Variants in WWTR1 observed in about 807,000 individuals in gnomAD.
WWTR1 encodes the protein WW domain-containing transcription regulator protein 1.
A neutral mutation model predicts 40.1 loss-of-function variants in WWTR1; 13 were observed. That is an observed-to-expected ratio of 0.32 (90% CI 0.21 to 0.52). The LOEUF is 0.52. WWTR1 is among the 20% of genes least tolerant of loss of function. The probability of loss-of-function intolerance (pLI) is 0.97; values close to 1 mark genes in which losing one functional copy is unlikely to be tolerated. For synonymous variants in WWTR1, 230 were observed against 210.1 expected, an observed-to-expected ratio of 1.09 and a Z score of -0.82; for missense variants, 436 against 523.1, an observed-to-expected ratio of 0.83 and a Z score of 1.63.
intron 2 of WWTR1, among the ~76,000 whole-genome samples, chr3:149,599,383 C>T (rs1172851299): frequency 6.6e-6 from 1 of 152,176 alleles, no homozygotes; most frequent in East Asian, 1.9e-4. Context: ...GGGCTGTGTC[C>T]AGGAAATCCC....
chr3:149,606,393 A>T (rs1385253882), intron 2 of WWTR1, among the ~76,000 whole-genome samples: 2 of 152,138 alleles, frequency 1.3e-5, no homozygotes, highest in African/African-American at 2.4e-5. Flanking sequence ...GCATTCTTTT[A>T]TCATTAAAAT....
At chr3:149,558,115 G>T (rs532988487) in intron 3 of WWTR1, among the ~76,000 whole-genome samples, 1 of 151,950 alleles carries the variant, frequency 6.6e-6, no homozygotes, top group African/African-American at 2.4e-5. Context: ...GTCACAGATT[G>T]CCCTCAATGA....
chr3:149,600,365 T>C (rs1739188483), intron 2 of WWTR1, among the ~76,000 whole-genome samples: 1 of 152,198 alleles, frequency 6.6e-6, no homozygotes, highest in Non-Finnish European at 1.5e-5. Context: ...AAGTGCCTGG[T>C]ACATAGCAAA....
In WWTR1 at chr3:149,530,449, A is replaced by G. The variant is rs965090648; in HGVS notation, c.772-2480T>C. Among the ~76,000 whole-genome samples the G allele has an allele frequency of 6.6e-5, 10 of 152,202 alleles. 1 individual carries two copies. Among genetic ancestry groups the G allele is most frequent in the Admixed American group, 5.2e-4 (8 of 15,290 alleles). ...CTGGAACTTCATGGGATAAAAAAATACACTATATATAACACACATGAATTG... is the reference window on the plus strand; with the variant it reads ...CTGGAACTTCATGGGATAAAAAAATGCACTATATATAACACACATGAATTG... On this transcript the variant is annotated intron_variant, in intron 4 of 6. Coordinates refer to ENST00000360632, the MANE Select transcript of WWTR1 (RefSeq NM_015472.6).
chr3:149,597,196 T>C (rs1003730385), intron 2 of WWTR1, among the ~76,000 whole-genome samples: 5 of 151,924 alleles, frequency 3.3e-5, no homozygotes, highest in African/African-American at 1.2e-4. Context: ...AAGCCAAGGA[T>C]CAAAAAGACT....
chr3:149,655,314 G>C (rs1713142574), intron 2 of WWTR1, among the ~76,000 whole-genome samples: 1 of 151,790 alleles, frequency 6.6e-6, no homozygotes, highest in African/African-American at 2.4e-5. Context: ...GCGTGGTGGT[G>C]GGTGCCTGTA....
In WWTR1 at chr3:149,601,710, ATT is replaced by A. The variant is rs3976504; in HGVS notation, c.432-28712_432-28711del. On this transcript the variant is annotated intron_variant, in intron 2 of 6. Transcript: ENST00000360632. ...AATGACCCAGAATATGAAAAAAATT[ATT>A]TTTTTTTTTTACTTTTTAAAATATT... Among the ~76,000 whole-genome samples the A allele has an allele frequency of 8.3e-3, 1,246 of 150,728 alleles. 19 individuals carry two copies. The highest frequency in any genetic ancestry group is 0.028 in the African/African-American group (1,138 of 41,170).
At chr3:149,683,927 G>C (rs958626656) in intron 1 of WWTR1, among the ~76,000 whole-genome samples, 15 of 152,012 alleles carry the variant, frequency 9.9e-5, no homozygotes, top group Non-Finnish European at 2.9e-5. Flanking sequence ...ACCTCCTCAA[G>C]GCTCTTCATT....
At chr3:149,530,130 G>A (rs376222296) in intron 4 of WWTR1, among the ~76,000 whole-genome samples, 29 of 151,958 alleles carry the variant, frequency 1.9e-4, no homozygotes, top group Non-Finnish European at 3.7e-4. Flanking sequence ...GGTGGATCAC[G>A]AGGTCAGGAG....
intron 2 of WWTR1, among the ~76,000 whole-genome samples, chr3:149,628,188 G>A (rs983204387): frequency 6.6e-6 from 1 of 151,808 alleles, no homozygotes. Flanking sequence ...GGCTAACACG[G>A]TGAAACCCCG....
intron 3 of WWTR1, among the ~76,000 whole-genome samples, chr3:149,544,159 G>A (rs1167421897): frequency 1.3e-5 from 2 of 152,008 alleles, no homozygotes; most frequent in East Asian, 1.9e-4. Flanking sequence ...AATTTAAGTA[G>A]CCCAAATCTC....
At chr3:149,680,006 T>C (rs1946704) in intron 1 of WWTR1, among the ~76,000 whole-genome samples, 56,535 of 151,922 alleles carry the variant, frequency 0.37, 10,970 homozygotes, top group Middle Eastern at 0.55. Context: ...CTTGTGTGAA[T>C]GTGGGAAAGT....
intron 2 of WWTR1, among the ~76,000 whole-genome samples, chr3:149,636,750 T>G (rs955804178): frequency 1.3e-4 from 19 of 151,720 alleles, no homozygotes; most frequent in Non-Finnish European, 1.9e-4. Context: ...TCAGCAAAAG[T>G]TAAATGAATC....
At chr3:149,705,837 A>C (rs1715315280), upstream of WWTR1, among the ~76,000 whole-genome samples, 1 of 152,220 alleles carries the variant, frequency 6.6e-6, no homozygotes, top group African/African-American at 2.4e-5. Context: ...TAATTGGGTA[A>C]GAGGAGGAGC....
At chr3:149,668,608 A>AG (rs1352644076) in intron 2 of WWTR1, among the ~76,000 whole-genome samples, 9 of 76,892 alleles carry the variant, frequency 1.2e-4, no homozygotes, top group Non-Finnish European at 2.2e-4. Context: ...ATTGTGTCTC[A>AG]AAAAAAACAA....
chr3:149,713,423 C>T (rs1715524239), intron 5 of WWTR1, among the ~76,000 whole-genome samples: 1 of 151,622 alleles, frequency 6.6e-6, no homozygotes, highest in African/African-American at 2.4e-5. Flanking sequence ...CTCTGTTGCC[C>T]AGGCTGGAGT....
In WWTR1 at chr3:149,601,910, C is replaced by T. The variant is rs118141853; in HGVS notation, c.432-28910G>A. Among the ~76,000 whole-genome samples, 152 of 152,230 alleles carry T rather than the reference C, an allele frequency of 1.0e-3. 2 individuals are homozygous for T. In the East Asian group the frequency reaches 0.024, roughly 24 times the overall value. The stretch of plus-strand genomic sequence containing the variant: ...CTGCCTCAGAACGGAAGAAATTCAA[C>T]TTGAGCAAAATGTGAGAGATGGGTA... On this transcript the variant is annotated intron_variant, in intron 2 of 6. Coordinates refer to ENST00000360632, the MANE Select transcript of WWTR1 (RefSeq NM_015472.6).
At chr3:149,570,673 A>C (rs1339271184) in intron 3 of WWTR1, among the ~76,000 whole-genome samples, 1 of 152,048 alleles carries the variant, frequency 6.6e-6, no homozygotes, top group Non-Finnish European at 1.5e-5. Context: ...AATTTGTTTC[A>C]GAATGTTCAG....
intron 1 of WWTR1, among the ~76,000 whole-genome samples, chr3:149,681,556 GTTCT>G (rs1714459050): frequency 6.6e-6 from 1 of 152,112 alleles, no homozygotes; most frequent in Non-Finnish European, 1.5e-5. Flanking sequence ...AGTTGTGGGA[GTTCT>G]TTATTTCAGA....
Sources: gnomAD v4.1 joint callset for allele counts (sites outside exome capture counted in the v4.1 genomes callset) on GRCh38, gnomAD v4.1.1 for gene constraint, MANE v1.5 for transcripts, NCBI Gene and HGNC (gene_info 2026-07-23, HGNC 2026-07-21) for gene names.